MASP2: variants seen among roughly 807,000 people sequenced by gnomAD.
MASP2 encodes the protein mannan-binding lectin serine protease 2.
Under a neutral mutation model 57.1 loss-of-function variants are expected in MASP2, and 49 were observed. The observed-to-expected ratio is 0.86, with a 90% CI of 0.68 to 1.09. The LOEUF is 1.09. Among genes scored for constraint, MASP2 ranks in the 50% least tolerant of loss-of-function variants. The pLI is 0.00. For missense variants in MASP2, 900 were observed against 874.8 expected (o/e 1.03, Z -0.36); for synonymous variants, 379 against 340.8 (o/e 1.11, Z -1.24).
At chr1:11,034,065 C>G (rs1018533693) in intron 8 of MASP2, among the ~76,000 whole-genome samples, 2 of 151,464 alleles carry the variant, frequency 1.3e-5, no homozygotes, top group African/African-American at 4.9e-5. Context: ...TGGTGAAACC[C>G]CATCTCTACT....
At chr1:11,032,123 C>T (rs779460421) in intron 8 of MASP2, among the ~76,000 whole-genome samples, 3 of 151,808 alleles carry the variant, frequency 2.0e-5, no homozygotes, top group Non-Finnish European at 4.4e-5. Flanking sequence ...GTAGTCCAAG[C>T]TACTGAGGAG....
intron 9 of MASP2, 68 bp from the exon 10 acceptor site, chr1:11,030,318 C>A (rs1643822672): frequency 9.2e-7 from 1 of 1,086,536 alleles, no homozygotes. Context: ...TGCTTGAATA[C>A]CCCCTTGAAA....
In MASP2 at chr1:11,027,354, T is replaced by C. The variant is rs201361542; in HGVS notation, c.1592A>G (p.Asn531Ser). The C allele has an allele frequency of 6.8e-6, 11 of 1,614,208 alleles. No homozygotes were observed. In the East Asian group the frequency reaches 2.5e-4, roughly 36 times the overall value. The change falls in exon 11 of 11, where the codon AAT becomes AGT. Residue 531 changes from asparagine (N) to serine (S), a missense_variant. Asn to Ser is a conservative substitution (Grantham distance 46, BLOSUM62 1). Coordinates refer to ENST00000400897, the MANE Select transcript of MASP2 (RefSeq NM_006610.4). ...EGYTHDAGFDNDIALIKLNNK... is the reference protein window; with the variant it reads ...EGYTHDAGFDSDIALIKLNNK... ...ATTCAATTTAATCAGTGCTATGTCA[T>C]TGTCAAAGCCAGCATCATGAGTATA...
intron 8 of MASP2, among the ~76,000 whole-genome samples, chr1:11,034,377 A>G (rs1469273196): frequency 6.6e-6 from 1 of 151,768 alleles, no homozygotes; most frequent in East Asian, 1.9e-4. Flanking sequence ...TTGAAATTCA[A>G]GGGCTGATAA....
At chr1:11,042,100 T>A (rs1250756731) in intron 6 of MASP2, among the ~76,000 whole-genome samples, 1 of 150,548 alleles carries the variant, frequency 6.6e-6, no homozygotes, top group Non-Finnish European at 1.5e-5. Context: ...GAAGGATGGG[T>A]GGGTGGCTAT....
chr1:11,039,405 G>A (rs1384293286), intron 6 of MASP2, among the ~76,000 whole-genome samples: 2 of 151,970 alleles, frequency 1.3e-5, no homozygotes, highest in Non-Finnish European at 2.9e-5. Flanking sequence ...AGGACTGGTA[G>A]GCAGAAGGAT....
At chr1:11,038,776 GTGTC>G (rs1638327880) in intron 6 of MASP2, among the ~76,000 whole-genome samples, 1 of 152,226 alleles carries the variant, frequency 6.6e-6, no homozygotes, top group Non-Finnish European at 1.5e-5. Flanking sequence ...TAGCACTTGA[GTGTC>G]TGTCACGACG....
At chr1:11,038,346 G>A (rs1247360628) in intron 6 of MASP2, among the ~76,000 whole-genome samples, 1 of 152,148 alleles carries the variant, frequency 6.6e-6, no homozygotes, top group Non-Finnish European at 1.5e-5. Flanking sequence ...AGTTCTTGGC[G>A]GAGCTGTAAT....
intron 8 of MASP2, among the ~76,000 whole-genome samples, chr1:11,033,138 G>A (rs1643865292): frequency 2.6e-5 from 4 of 152,114 alleles, no homozygotes. Flanking sequence ...AGACCAGCCT[G>A]ACCAACATGG....
rs758015279 is a variant in MASP2, at chr1:11,046,784, C to T, written c.235-51G>A. On this transcript the variant is annotated intron_variant, in intron 2 of 10. Transcript: ENST00000400897. ...TGAAGGCAAGACCCAGGCCTGATCT[C>T]CCTCCTGGCCAAGCCTGGCCCCTGC... 14 of 1,579,404 alleles carry T rather than the reference C, an allele frequency of 8.9e-6. No homozygotes were observed. The African/African-American group carries it at 1.5e-4, about 17-fold the overall frequency.
intron 4 of MASP2, 125 bp from the exon 5 acceptor site, chr1:11,043,660 C>G: frequency 4.6e-6 from 3 of 653,304 alleles, no homozygotes; most frequent in Non-Finnish European, 5.1e-6. Flanking sequence ...ATCTGCATCC[C>G]TGGGTTGGGC....
intron 7 of MASP2, among the ~76,000 whole-genome samples, chr1:11,036,855 TCTTTCCCGGGGCTGTCTA>T (rs1327820959): frequency 1.3e-5 from 2 of 152,096 alleles, no homozygotes; most frequent in Non-Finnish European, 2.9e-5. Flanking sequence ...CAGAATATAC[TCTTTCCCGGGGCTGTCTA>T]CTTTTTTGTG....
At chr1:11,042,541 G>C (rs1188015095) in intron 6 of MASP2, among the ~76,000 whole-genome samples, 2 of 150,826 alleles carry the variant, frequency 1.3e-5, no homozygotes, top group African/African-American at 4.9e-5. Flanking sequence ...GTGGACAAAA[G>C]GATGGATGGG....
rs148441597 is a variant in MASP2 at position 11,028,067 on chromosome 1, C to G, written c.1298-419G>C. ...TGAGACCCTGTCTCTACTACATACA[C>G]AAAAATTAGCCGGGCGTGGTGATGG... On this transcript the variant is annotated intron_variant, in intron 10 of 10. Transcript: ENST00000400897. 6.2e-4 allele frequency among the ~76,000 whole-genome samples: 94 copies of G among 152,064 alleles called. 1 individual carries two copies. In the Middle Eastern group the frequency reaches 0.017, roughly 28 times the overall value.
At chr1:11,033,965 A>ACACACACACACACT (rs1445746544) in intron 8 of MASP2, among the ~76,000 whole-genome samples, 1 of 15,434 alleles carries the variant, frequency 6.5e-5, no homozygotes, top group African/African-American at 1.7e-4. Context: ...ACACACACAC[A>ACACACACACACACT]CTCTCTCTCT....
intron 5 of MASP2, 117 bp downstream of exon 5, chr1:11,043,222 A>T: frequency 9.6e-7 from 1 of 1,038,378 alleles, no homozygotes; most frequent in South Asian, 1.6e-5. Context: ...GCACCTGAAG[A>T]GGTGGGGGTC....
At chr1:11,033,718 G>A (rs563367622) in intron 8 of MASP2, among the ~76,000 whole-genome samples, 34 of 152,122 alleles carry the variant, frequency 2.2e-4, no homozygotes, top group African/African-American at 8.2e-4. Flanking sequence ...ATCACTTGAC[G>A]TCAGGAGTTT....
At position 11,047,136 on chromosome 1, in the gene MASP2, G is replaced by A; in HGVS notation, c.6-17C>T. 1 of 1,548,714 alleles carries A rather than the reference G, an allele frequency of 6.5e-7. No individual in the cohort carries two copies. The highest frequency in any genetic ancestry group is 8.7e-7 in the Non-Finnish European group (1 of 1,146,262). ...GTCAGCAGCCTATGGGCAGGGCAGG[G>A]GCGGTGAGGGCCCAGGCCTGTGCTC... On this transcript the variant is annotated splice_polypyrimidine_tract_variant and intron_variant, in intron 1 of 10. Coordinates refer to ENST00000400897, the MANE Select transcript of MASP2 (RefSeq NM_006610.4).
chr1:11,041,404 GTGGA>G (rs77143957), intron 6 of MASP2, among the ~76,000 whole-genome samples: 42 of 120,854 alleles, frequency 3.5e-4, no homozygotes, highest in Admixed American at 1.1e-3. Flanking sequence ...GGATGGATGA[GTGGA>G]TGGATGGATG....
Sources: allele counts gnomAD v4.1 joint callset (sites outside exome capture counted in the v4.1 genomes callset), GRCh38; gene constraint gnomAD v4.1.1; transcripts MANE v1.5; gene names NCBI Gene and HGNC (gene_info 2026-07-23, HGNC 2026-07-21).